Variants in BORCS5 observed in about 807,000 individuals in gnomAD.
BORCS5 encodes BLOC-1-related complex subunit 5.
Under a neutral mutation model 22.1 loss-of-function variants are expected in BORCS5, and 17 were observed. The observed-to-expected ratio is 0.77, with a 90% confidence interval of 0.53 to 1.15. The LOEUF (loss-of-function observed/expected upper bound fraction) is 1.15. BORCS5 is among the 50% of genes most tolerant of loss of function. The pLI, the probability that BORCS5 is intolerant of heterozygous loss-of-function variation, is 0.00. For synonymous variants in BORCS5, 117 were observed against 99.8 expected (o/e 1.17, Z -1.03); for missense variants, 247 against 253.2 (o/e 0.98, Z 0.17).
intron 3 of BORCS5, among the ~76,000 whole-genome samples, chr12:12,446,536 C>G (rs965690074): frequency 1.4e-4 from 21 of 152,170 alleles, no homozygotes; most frequent in African/African-American, 4.1e-4. Context: ...TATTTGCTAT[C>G]TCTGTTGTTA....
chr12:12,416,171 T>A (rs994380888), intron 2 of BORCS5, among the ~76,000 whole-genome samples: 3 of 152,302 alleles, frequency 2.0e-5, no homozygotes, highest in Middle Eastern at 3.4e-3. Context: ...GGTATTAATG[T>A]ACACACTTTC....
rs553283768 is a variant in BORCS5 at position 12,446,062 on chromosome 12, C to T, written c.360+10277C>T. ...GGAATATGCCTCTGAGAACTTTTTA[C>T]GCACATGCCTTTACATGTCTGCTTC... On this transcript the variant is annotated intron_variant, in intron 3 of 3. Transcript: ENST00000314565. Among the ~76,000 whole-genome samples the T allele has an allele frequency of 1.2e-4, 18 of 152,248 alleles. 1 individual carries two copies. Among genetic ancestry groups the T allele is most frequent in the Middle Eastern group, 3.4e-3 (1 of 294 alleles).
intron 3 of BORCS5, among the ~76,000 whole-genome samples, chr12:12,461,541 T>C (rs898283120): frequency 6.6e-6 from 1 of 152,170 alleles, no homozygotes; most frequent in Non-Finnish European, 1.5e-5. Flanking sequence ...TGGTGGCTTA[T>C]ACAAAATGAA....
intron 2 of BORCS5, among the ~76,000 whole-genome samples, chr12:12,427,451 A>G (rs1239543668): frequency 6.6e-6 from 1 of 152,110 alleles, no homozygotes. Context: ...AAGTGCTGGG[A>G]TTACAGGCGT....
chr12:12,391,434 G>A (rs1592079286), intron 2 of BORCS5, among the ~76,000 whole-genome samples: 2 of 151,714 alleles, frequency 1.3e-5, no homozygotes, highest in Admixed American at 1.3e-4. Flanking sequence ...CACCTAGGCT[G>A]GAGTGCAGTG....
intron 2 of BORCS5, among the ~76,000 whole-genome samples, chr12:12,416,390 G>A (rs10459098): frequency 0.57 from 86,594 of 151,422 alleles, 25,124 homozygotes; most frequent in African/African-American, 0.61. Flanking sequence ...TGTTTTTCTA[G>A]TTCCTTAAGT....
intron 2 of BORCS5, among the ~76,000 whole-genome samples, chr12:12,387,237 C>T (rs773601430): frequency 1.1e-4 from 16 of 151,260 alleles, no homozygotes; most frequent in Non-Finnish European, 2.1e-4. Flanking sequence ...ATACCATAGA[C>T]TGTCTATCCA....
At chr12:12,389,914 G>GA (rs1210603453) in intron 2 of BORCS5, among the ~76,000 whole-genome samples, 8 of 152,106 alleles carry the variant, frequency 5.3e-5, no homozygotes, top group Admixed American at 5.2e-4. Flanking sequence ...AAAGGGCTGG[G>GA]ATTACAGCCA....
chr12:12,391,866 T>TA (rs751674760), intron 2 of BORCS5, among the ~76,000 whole-genome samples: 25,517 of 64,230 alleles, frequency 0.4, 5,373 homozygotes, highest in East Asian at 0.67. Flanking sequence ...ACCCCGTCAC[T>TA]AAAAAAAAAA....
intron 2 of BORCS5, among the ~76,000 whole-genome samples, chr12:12,430,365 G>A (rs948238171): frequency 6.6e-6 from 1 of 151,882 alleles, no homozygotes; most frequent in Non-Finnish European, 1.5e-5. Context: ...GTTAGCCAGG[G>A]TGGTCTCGAT....
chr12:12,364,556 G>A (rs1446845516), intron 2 of BORCS5, among the ~76,000 whole-genome samples: 1 of 152,146 alleles, frequency 6.6e-6, no homozygotes, highest in Non-Finnish European at 1.5e-5. Flanking sequence ...GTGGACCCAC[G>A]TGGTTCAGAC....
chr12:12,428,625 T>C (rs1942348123), intron 2 of BORCS5, among the ~76,000 whole-genome samples: 1 of 152,206 alleles, frequency 6.6e-6, no homozygotes, highest in Admixed American at 6.5e-5. Context: ...GTAAGGAACA[T>C]GTAATTTAGA....
intron 2 of BORCS5, among the ~76,000 whole-genome samples, chr12:12,362,679 AC>A (rs973257090): frequency 5.1e-5 from 5 of 98,562 alleles, no homozygotes; most frequent in African/African-American, 1.9e-4. Flanking sequence ...TTGCTCTGTC[AC>A]CCAGGCTGGA....
intron 2 of BORCS5, among the ~76,000 whole-genome samples, chr12:12,368,782 CTGTT>C (rs1410365865): frequency 6.6e-6 from 1 of 151,940 alleles, no homozygotes; most frequent in Non-Finnish European, 1.5e-5. Context: ...TCATCTTGCT[CTGTT>C]TGTCTATACA....
rs567242008 is a variant in BORCS5 at position 12,439,813 on chromosome 12, C to A, written c.360+4028C>A. Among the ~76,000 whole-genome samples, 4 of 152,242 alleles carry A rather than the reference C, an allele frequency of 2.6e-5. No individual in the cohort carries two copies. In the East Asian group the frequency reaches 7.7e-4, roughly 29 times the overall value. ...TTCATTGGTGGCGTAATGTGTCCGT[C>A]TTATCTCTGTTGGTGAGTGTTAGCA... On this transcript the variant is annotated intron_variant, in intron 3 of 3. Transcript: ENST00000314565.
At chr12:12,446,350 A>G (rs769352403) in intron 3 of BORCS5, among the ~76,000 whole-genome samples, 1 of 152,206 alleles carries the variant, frequency 6.6e-6, no homozygotes, top group Non-Finnish European at 1.5e-5. Flanking sequence ...GGAACTTTTA[A>G]TATAAAGACC....
At position 12,392,318 on chromosome 12, in the gene BORCS5, G is replaced by A. The variant is rs747875010; in HGVS notation, c.202+30969G>A. ...CCTAAGGCCAATATACGACGTTTTC[G>A]ATCTCTGAATTATCTCCAAAGTCTG... On this transcript the variant is annotated intron_variant, in intron 2 of 3. Coordinates refer to ENST00000314565, the MANE Select transcript of BORCS5 (RefSeq NM_058169.6). Among the ~76,000 whole-genome samples the A allele has an allele frequency of 4.6e-5, 7 of 151,980 alleles. 1 individual carries two copies. In the East Asian group the frequency reaches 5.8e-4, roughly 13 times the overall value.
At chr12:12,410,320 G>A (rs1394618787) in intron 2 of BORCS5, among the ~76,000 whole-genome samples, 2 of 152,176 alleles carry the variant, frequency 1.3e-5, no homozygotes, top group Non-Finnish European at 2.9e-5. Context: ...GTCCTGAATG[G>A]TATTGCCTAG....
rs1555156024 is a variant in BORCS5, at chr12:12,438,374, A to AAAAAAAAAAAAC, written c.360+2595_360+2596insAAAAACAAAAAA. 1.5e-3 allele frequency among the ~76,000 whole-genome samples: 186 copies of AAAAAAAAAAAAC among 125,034 alleles called. 6 individuals carry two copies. The highest frequency in any genetic ancestry group is 5.7e-3 in the African/African-American group (152 of 26,558). 82.0% of individuals were successfully genotyped at this position (125,034 alleles called of 152,430 possible). A position where few individuals can be genotyped will look rare whatever the true frequency, so the allele number is the denominator to read the frequency against. ...AGATTTCATCTCAAAAAAAAAAAAA[A>AAAAAAAAAAAAC]AAAAAACGAAAAACAACAACAAAAA... is the stretch of plus-strand genomic sequence containing the variant. On this transcript the variant is annotated intron_variant, in intron 3 of 3. Transcript: ENST00000314565.
Sources: allele counts gnomAD v4.1 joint callset (sites outside exome capture counted in the v4.1 genomes callset), GRCh38; gene constraint gnomAD v4.1.1; transcripts MANE v1.5; gene names NCBI Gene and HGNC (gene_info 2026-07-23, HGNC 2026-07-21).